ATP2C1: variants seen among roughly 807,000 people sequenced by gnomAD.
The protein encoded by ATP2C1 is calcium-transporting ATPase type 2C member 1.
Under a neutral mutation model 120.5 loss-of-function variants are expected in ATP2C1, and 31 were observed. The ratio of observed to expected loss-of-function variants is 0.26; its 90% CI spans 0.19 to 0.35. The LOEUF is 0.35. Among genes scored for constraint, ATP2C1 ranks in the 10% least tolerant of loss-of-function variants. The pLI is 1.00. For synonymous variants in ATP2C1, 351 were observed against 358.7 expected, an observed-to-expected ratio of 0.98 and a Z score of 0.24; for missense variants, 731 against 1,107.5, an observed-to-expected ratio of 0.66 and a Z score of 4.83.
In ATP2C1 at chr3:130,886,955, C is replaced by A. The variant is rs565052111; in HGVS notation, c.108+36027C>A. On this transcript the variant is annotated intron_variant, in intron 1 of 26. Transcript: ENST00000504381. ...TTTATTGTAGTCTTCACAGTCTGGA[C>A]TTGTTTGTGCCCATCCTCCTTGGGA... is the stretch of plus-strand genomic sequence containing the variant. Among the ~76,000 whole-genome samples the A allele has an allele frequency of 2.6e-5, 4 of 152,274 alleles. 1 individual carries two copies. The highest frequency in any genetic ancestry group is 2.6e-4 in the Admixed American group (4 of 15,300).
chr3:130,923,789 C>A (rs1028074947), intron 2 of ATP2C1, among the ~76,000 whole-genome samples: 3 of 151,036 alleles, frequency 2.0e-5, no homozygotes, highest in African/African-American at 7.3e-5. Context: ...ATAGCTGAAC[C>A]CAGGAGGTGA....
intron 1 of ATP2C1, among the ~76,000 whole-genome samples, chr3:130,865,381 A>G (rs2068138424): frequency 6.6e-6 from 1 of 152,140 alleles, no homozygotes; most frequent in South Asian, 2.1e-4. Context: ...TCTCAGGTGA[A>G]ACTTTGAACT....
At chr3:130,857,622 T>G (rs576290226) in intron 1 of ATP2C1, among the ~76,000 whole-genome samples, 1 of 152,310 alleles carries the variant, frequency 6.6e-6, no homozygotes, top group South Asian at 2.1e-4. Flanking sequence ...CCTAGCCCCA[T>G]GCTTATGATC....
At chr3:130,911,498 A>G (rs1262617990) in intron 2 of ATP2C1, among the ~76,000 whole-genome samples, 1 of 149,954 alleles carries the variant, frequency 6.7e-6, no homozygotes, top group South Asian at 2.1e-4. Context: ...CTAGCTTTTG[A>G]ATGTGTTTGC....
intron 20 of ATP2C1, among the ~76,000 whole-genome samples, chr3:130,990,690 G>T (rs1472675128): frequency 2.0e-5 from 3 of 152,170 alleles, no homozygotes; most frequent in Non-Finnish European, 4.4e-5. Flanking sequence ...GGAAACTAGG[G>T]CAGAAATAAG....
chr3:130,903,873 A>C (rs1270601890), intron 2 of ATP2C1, among the ~76,000 whole-genome samples: 1 of 152,052 alleles, frequency 6.6e-6, no homozygotes, highest in Non-Finnish European at 1.5e-5. Context: ...CCTTTCCTCC[A>C]TCCTTGTACC....
At chr3:130,977,119 G>A (rs925181658) in intron 18 of ATP2C1, among the ~76,000 whole-genome samples, 19 of 152,102 alleles carry the variant, frequency 1.2e-4, no homozygotes, top group Non-Finnish European at 7.4e-5. Flanking sequence ...AAGGGGCACT[G>A]CAGGGAGGCC....
intron 8 of ATP2C1, 36 bp from the exon 9 acceptor site, chr3:130,953,785 C>G (rs757774066): frequency 6.2e-7 from 1 of 1,612,946 alleles, no homozygotes; most frequent in Admixed American, 1.7e-5. Flanking sequence ...AAATGTAGCA[C>G]AAAATTTGAA....
intron 11 of ATP2C1, among the ~76,000 whole-genome samples, chr3:130,957,171 TC>T (rs1468922996): frequency 6.6e-6 from 1 of 152,202 alleles, no homozygotes; most frequent in Non-Finnish European, 1.5e-5. Flanking sequence ...GGTTAAAACA[TC>T]CCCTTTTCCT....
At chr3:130,991,549 A>G (rs2108875081) in intron 20 of ATP2C1, among the ~76,000 whole-genome samples, 1 of 152,240 alleles carries the variant, frequency 6.6e-6, no homozygotes, top group African/African-American at 2.4e-5. Flanking sequence ...CTTCCATTTA[A>G]AAAAAATAAA....
At chr3:131,007,301 A>G (rs1245385944), downstream of ATP2C1, among the ~76,000 whole-genome samples, 1 of 152,228 alleles carries the variant, frequency 6.6e-6, no homozygotes, top group Non-Finnish European at 1.5e-5. Context: ...GTCACCGTAC[A>G]CACCTGATTT....
At chr3:130,948,075 C>T (rs192149854) in intron 8 of ATP2C1, among the ~76,000 whole-genome samples, 1 of 152,208 alleles carries the variant, frequency 6.6e-6, no homozygotes, top group Non-Finnish European at 1.5e-5. Flanking sequence ...ATATAGGAAG[C>T]AAACACAGGA....
chr3:130,888,749 C>G (rs899296943), intron 1 of ATP2C1, among the ~76,000 whole-genome samples: 6 of 152,196 alleles, frequency 3.9e-5, no homozygotes, highest in Admixed American at 6.5e-5. Context: ...CTCTCCTACT[C>G]TCTTCAATGA....
At chr3:130,923,203 G>A (rs566645085) in intron 2 of ATP2C1, among the ~76,000 whole-genome samples, 12 of 151,516 alleles carry the variant, frequency 7.9e-5, no homozygotes, top group East Asian at 1.9e-4. Context: ...TCCTTTTATC[G>A]TTATATAATA....
Position 130,969,340 on chromosome 3 carries a change from C to T in ATP2C1, c.1357C>T (p.Pro453Ser). 1.2e-6 allele frequency: 2 copies of T among 1,613,848 alleles called. No individual in the cohort carries two copies. The highest frequency in any genetic ancestry group is 1.7e-6 in the Non-Finnish European group (2 of 1,179,874). The change falls in exon 17 of 28, where the codon CCT becomes TCT. Residue 453 changes from proline (P) to serine (S), a missense_variant. This residue lies in a region of ATP2C1 where 571 missense variants were observed against 845.9 expected (regional missense o/e 0.67). Coordinates refer to ENST00000510168, the MANE Select transcript of ATP2C1 (RefSeq NM_001378687.1). ...QQDYIRKAEYPFSSEQKWMAV... is the reference protein window; with the variant it reads ...QQDYIRKAEYSFSSEQKWMAV... ...AGACTACATCAGAAAAGCTGAATACCCTTTTAGCTCTGAGCAAAAGTGGAT... is the reference window on the plus strand; with the variant it reads ...AGACTACATCAGAAAAGCTGAATACTCTTTTAGCTCTGAGCAAAAGTGGAT...
Position 130,975,344 on chromosome 3 carries a change from A to G in ATP2C1, c.1426A>G (p.Ile476Val). Residue 476 changes from isoleucine to valine, a missense_variant, in exon 18 of 28, where the codon ATT becomes GTT. Ile to Val is a conservative substitution (Grantham distance 29). This residue lies in a region of ATP2C1 where 571 missense variants were observed against 845.9 expected (regional missense o/e 0.67). Coordinates refer to ENST00000510168, the MANE Select transcript of ATP2C1 (RefSeq NM_001378687.1). Reference sequence around the variant, plus strand: ...ATTTTCTTCTTAGGACAGACCAGAGATTTGTTTTATGAAAGGTGCTTACGA... The same window carrying G: ...ATTTTCTTCTTAGGACAGACCAGAGGTTTGTTTTATGAAAGGTGCTTACGA... ...VHRTQQDRPE[I>V]CFMKGAYEQV... is the part of the protein sequence containing the mutation. 3 of 1,613,758 alleles carry G rather than the reference A, an allele frequency of 1.9e-6. No individual in the cohort carries two copies. Among genetic ancestry groups the G allele is most frequent in the Non-Finnish European group, 2.5e-6 (3 of 1,179,762 alleles).
chr3:131,009,776 A>G lies in ATP2C1; in HGVS notation c.2630-6376A>G, dbSNP rs1057378028. ...GTAATGTTTTTAATACATTTTTCCA[A>G]GAGTAGTATTTAATTTCAAATTGGT... On this transcript the variant is annotated intron_variant, in intron 26 of 26. Transcript: ENST00000328560. Among the ~76,000 whole-genome samples, 9 of 152,304 alleles carry G rather than the reference A, an allele frequency of 5.9e-5. No homozygotes were observed. In the South Asian group the frequency reaches 1.9e-3, roughly 32 times the overall value.
chr3:130,894,634 C>T lies in ATP2C1; in HGVS notation c.-136C>T. On this transcript the variant is annotated 5_prime_UTR_variant, in exon 2 of 28. Coordinates refer to ENST00000510168, the MANE Select transcript of ATP2C1 (RefSeq NM_001378687.1). The surrounding 1 kb of genome is among the most constrained non-coding windows in gnomAD (Gnocchi z 4.5). ...TGGGAGCAGCCGTGGGACGCGTGGC[C>T]GGGAGCGGGGGTGACAGCCTGGGAT... 6 of 1,598,850 alleles carry T rather than the reference C, an allele frequency of 3.8e-6. No homozygotes were observed. In the South Asian group the frequency reaches 5.6e-5, roughly 15 times the overall value.
chr3:130,915,090 GTTT>G (rs140900627), intron 2 of ATP2C1, among the ~76,000 whole-genome samples: 1 of 145,178 alleles, frequency 6.9e-6, no homozygotes, highest in African/African-American at 2.5e-5. Context: ...TTCATTCTGG[GTTT>G]TTTTTTTTTC....
Sources: gnomAD v4.1 joint callset for allele counts (sites outside exome capture counted in the v4.1 genomes callset) on GRCh38, gnomAD v4.1.1 for gene constraint, gnomAD v4.1.1 regional missense constraint, Gnocchi (gnomAD v3.1) non-coding constraint, MANE v1.5 for transcripts, NCBI Gene and HGNC (gene_info 2026-07-23, HGNC 2026-07-21) for gene names.